The following DIPK1A variants were observed in gnomAD, a reference collection of about 807,000 sequenced individuals.
DIPK1A encodes family with sequence similarity 69 member A.
Under a neutral mutation model 40.8 loss-of-function variants are expected in DIPK1A, and 27 were observed. That is an observed-to-expected ratio of 0.66 (90% CI 0.49 to 0.91). DIPK1A has a LOEUF of 0.91. Ranked by LOEUF, DIPK1A falls within the 40% of genes least tolerant of loss-of-function variation. DIPK1A has a pLI of 0.00. For missense variants in DIPK1A, 412 were observed against 505.7 expected, an observed-to-expected ratio of 0.81 and a Z score of 1.78; for synonymous variants, 166 against 171.3, an observed-to-expected ratio of 0.97 and a Z score of 0.24.
At chr1:92,952,500 G>T (rs1651672936) in intron 1 of DIPK1A, among the ~76,000 whole-genome samples, 1 of 152,016 alleles carries the variant, frequency 6.6e-6, no homozygotes, top group East Asian at 1.9e-4. Context: ...CAGGCCTGTG[G>T]GCCCAGCTAT....
chr1:92,850,554 G>C (rs1687786775), intron 3 of DIPK1A, among the ~76,000 whole-genome samples: 1 of 152,086 alleles, frequency 6.6e-6, no homozygotes, highest in Non-Finnish European at 1.5e-5. Context: ...GGTTGTGTGA[G>C]CCTGTAGTCC....
intron 1 of DIPK1A, among the ~76,000 whole-genome samples, chr1:92,907,626 G>C (rs1649675568): frequency 6.6e-6 from 1 of 151,918 alleles, no homozygotes; most frequent in African/African-American, 2.4e-5. Context: ...TTTTTGTAGA[G>C]ACAGGGTCTT....
downstream of DIPK1A, among the ~76,000 whole-genome samples, chr1:92,838,380 G>A (rs189936845): frequency 6.6e-6 from 1 of 152,284 alleles, no homozygotes; most frequent in African/African-American, 2.4e-5. Flanking sequence ...TGGTAAAGAG[G>A]TCATTTACTT....
chr1:92,958,327 A>C (rs1226084862), intron 1 of DIPK1A, among the ~76,000 whole-genome samples: 1 of 152,228 alleles, frequency 6.6e-6, no homozygotes, highest in East Asian at 1.9e-4. Context: ...ACTGCTTAAA[A>C]GTTTTCTCCT....
intron 1 of DIPK1A, among the ~76,000 whole-genome samples, chr1:92,926,539 G>T (rs1650517483): frequency 6.6e-6 from 1 of 152,116 alleles, no homozygotes; most frequent in Non-Finnish European, 1.5e-5. Context: ...GGTTAACAGG[G>T]CTATTAAGAT....
intron 1 of DIPK1A, among the ~76,000 whole-genome samples, chr1:92,952,930 T>A (rs1012534001): frequency 6.6e-6 from 1 of 152,184 alleles, no homozygotes; most frequent in African/African-American, 2.4e-5. Context: ...TCTATGACTC[T>A]GATACTATGC....
intron 2 of DIPK1A, among the ~76,000 whole-genome samples, chr1:92,856,069 C>A (rs970114102): frequency 1.3e-5 from 2 of 151,666 alleles, no homozygotes; most frequent in African/African-American, 2.4e-5. Flanking sequence ...AGAGTGAGAC[C>A]CTGTCTCAAA....
chr1:92,865,343 G>T (rs1647486936), intron 2 of DIPK1A, among the ~76,000 whole-genome samples: 1 of 151,908 alleles, frequency 6.6e-6, no homozygotes, highest in Admixed American at 6.6e-5. Flanking sequence ...AGCCTGGGTG[G>T]CAGAGAGGGA....
chr1:92,883,128 G>A (rs540007830), intron 1 of DIPK1A, among the ~76,000 whole-genome samples: 21 of 152,286 alleles, frequency 1.4e-4, no homozygotes, highest in Admixed American at 1.2e-3. Context: ...AGAGAACACA[G>A]GCCAGGCACA....
chr1:92,843,844 G>C lies in DIPK1A; in HGVS notation c.826C>G (p.Leu276Val). The stretch of plus-strand genomic sequence containing the variant: ...TGGAAAACATCTTCCACAAATTCTA[G>C]AAGTCCTATGGCTATTTTGGCCTTT... ...PRKAKIAIGL[L>V]EFVEDVFHGP... The change falls in exon 5 of 5, where the codon CTA becomes GTA. Residue 276 changes from leucine (L) to valine (V), a missense_variant. Leu to Val is a conservative substitution (Grantham distance 32). Transcript: ENST00000370310. The C allele has an allele frequency of 6.4e-7, 1 of 1,551,764 alleles. No individual in the cohort carries two copies. The highest frequency in any genetic ancestry group is 8.7e-7 in the Non-Finnish European group (1 of 1,147,016).
intron 1 of DIPK1A, among the ~76,000 whole-genome samples, chr1:92,929,270 T>C (rs1008969536): frequency 6.6e-6 from 1 of 152,236 alleles, no homozygotes; most frequent in Admixed American, 6.5e-5. Flanking sequence ...TGAAGATGGA[T>C]CTTTGTTCTA....
At chr1:92,934,490 G>C (rs1043403192) in intron 1 of DIPK1A, among the ~76,000 whole-genome samples, 3 of 152,014 alleles carry the variant, frequency 2.0e-5, no homozygotes, top group Non-Finnish European at 4.4e-5. Flanking sequence ...AGTTATGCAT[G>C]AGAAAAGCTA....
intron 4 of DIPK1A, among the ~76,000 whole-genome samples, chr1:92,846,336 T>C (rs182628662): frequency 3.7e-4 from 57 of 152,290 alleles, no homozygotes; most frequent in Admixed American, 8.5e-4. Context: ...CAAAAATTAT[T>C]AATCCCTTTA....
At chr1:92,929,296 G>A (rs568201410) in intron 1 of DIPK1A, among the ~76,000 whole-genome samples, 2 of 152,212 alleles carry the variant, frequency 1.3e-5, no homozygotes, top group African/African-American at 2.4e-5. Context: ...CAGTTAATTC[G>A]GTGAGACTCA....
chr1:92,933,115 T>C (rs1650821818), intron 1 of DIPK1A: 1 of 151,674 alleles, frequency 6.6e-6, no homozygotes, highest in East Asian at 1.9e-4. Flanking sequence ...TTTTAAAATA[T>C]GAAAGAGCTA....
intron 4 of DIPK1A, chr1:92,845,508 G>GAAA (rs552078855): frequency 2.9e-3 from 581 of 199,860 alleles, no homozygotes; most frequent in South Asian, 4.2e-3. Context: ...GTCTATGCTA[G>GAAA]AAAAAAAAAA....
intron 1 of DIPK1A, 169 bp from the exon 2 acceptor site, chr1:92,876,599 C>CCTG: frequency 1.6e-6 from 1 of 632,272 alleles, no homozygotes; most frequent in Non-Finnish European, 2.6e-6. Context: ...CAGCACTGGT[C>CCTG]TTAGAAAAGG....
At chr1:92,914,653 CAG>C (rs1649973223) in intron 1 of DIPK1A, among the ~76,000 whole-genome samples, 1 of 151,566 alleles carries the variant, frequency 6.6e-6, no homozygotes, top group South Asian at 2.1e-4. Flanking sequence ...CCTGTAGTCC[CAG>C]CTACTTGGGA....
intron 4 of DIPK1A, chr1:92,833,862 T>C: frequency 1.7e-6 from 1 of 576,262 alleles, no homozygotes; most frequent in South Asian, 2.0e-5. Flanking sequence ...CTCATGCCTG[T>C]AATCCCAGCA....
Sources: gnomAD v4.1 joint callset for allele counts (sites outside exome capture counted in the v4.1 genomes callset) on GRCh38, gnomAD v4.1.1 for gene constraint, MANE v1.5 for transcripts, NCBI Gene and HGNC (gene_info 2026-07-23, HGNC 2026-07-21) for gene names.